The following IVD variants were observed in gnomAD, a reference collection of about 807,000 sequenced individuals.
IVD encodes isovaleryl-CoA dehydrogenase.
Under a neutral mutation model 51.3 loss-of-function variants are expected in IVD, and 31 were observed. The ratio of observed to expected loss-of-function variants is 0.60; its 90% CI spans 0.45 to 0.81. The LOEUF (loss-of-function observed/expected upper bound fraction) is 0.81, where lower values mean the gene tolerates loss of function less well. Among genes scored for constraint, IVD ranks in the 40% least tolerant of loss-of-function variants. The probability of loss-of-function intolerance (pLI) is 0.00; values close to 1 mark genes in which losing one functional copy is unlikely to be tolerated. For synonymous variants in IVD, 205 were observed against 219.4 expected, an observed-to-expected ratio of 0.93 and a Z score of 0.58; for missense variants, 475 against 552.0, an observed-to-expected ratio of 0.86 and a Z score of 1.40.
intron 1 of IVD, among the ~76,000 whole-genome samples, chr15:40,406,885 C>T (rs1429275647): frequency 2.1e-5 from 3 of 142,034 alleles, no homozygotes; most frequent in South Asian, 4.4e-4. Flanking sequence ...TTTTTTGAGA[C>T]GGAGTTTCAC....
intron 1 of IVD, chr15:40,406,202 A>T (rs775768990): frequency 8.9e-5 from 136 of 1,526,358 alleles, no homozygotes; most frequent in Non-Finnish European, 1.1e-4. Context: ...GTGGGACAGT[A>T]CTGCTGGAAG....
chr15:40,411,104 C>A (rs1490800591), intron 4 of IVD, among the ~76,000 whole-genome samples, 156 bp from the exon 5 acceptor site: 1 of 152,206 alleles, frequency 6.6e-6, no homozygotes, highest in Non-Finnish European at 1.5e-5. Flanking sequence ...GCCTTGTAGC[C>A]ATTGGGCTTA....
chr15:40,408,959 A>T (rs545918055), intron 3 of IVD, among the ~76,000 whole-genome samples: 1 of 152,124 alleles, frequency 6.6e-6, no homozygotes, highest in South Asian at 2.1e-4. Context: ...CAAAAAAAAA[A>T]GCCCAGCCTG....
chr15:40,435,409 TC>T, intron 8 of IVD: 6 of 1,129,498 alleles, frequency 5.3e-6, no homozygotes, highest in Non-Finnish European at 6.7e-6. Flanking sequence ...GGGCTCTCTT[TC>T]CCCTAGGGCA....
intron 7 of IVD, among the ~76,000 whole-genome samples, chr15:40,433,507 C>T (rs1005690631): frequency 2.0e-4 from 30 of 152,170 alleles, no homozygotes; most frequent in Admixed American, 2.0e-4. Flanking sequence ...GGATGCACCC[C>T]TGGTCTTCCA....
rs181729371 is a variant in IVD at position 40,420,618 on chromosome 15, G to C, written c.*2355G>C. 57 of 987,406 alleles carry C rather than the reference G, an allele frequency of 5.8e-5. No homozygotes were observed. Among genetic ancestry groups the C allele is most frequent in the Admixed American group, 2.5e-4 (4 of 16,258 alleles). The allele number at this position is 987,406 out of a possible 1,614,324, so 61.2% of individuals were successfully genotyped here. A position where few individuals can be genotyped will look rare whatever the true frequency, so the allele number is the denominator to read the frequency against. ...GAGAGGTCTCAGCCTCCCTTTCCCA[G>C]ATCTCCCAGTGAGTTTTAAAGGAAG... On this transcript the variant is annotated 3_prime_UTR_variant, in exon 12 of 12. Coordinates refer to ENST00000487418, the MANE Select transcript of IVD (RefSeq NM_002225.5).
At chr15:40,411,138 G>A (rs1220736747) in intron 4 of IVD, 122 bp from the exon 5 acceptor site, 26 of 967,044 alleles carry the variant, frequency 2.7e-5, no homozygotes, top group Admixed American at 2.5e-4. Flanking sequence ...GGACTTTACC[G>A]ACACCCTGGT....
At chr15:40,417,985 CACA>C in intron 11 of IVD, 142 bp from the exon 12 acceptor site, 5 of 1,153,542 alleles carry the variant, frequency 4.3e-6, no homozygotes, top group Non-Finnish European at 5.0e-6. Context: ...GTGTATTCCC[CACA>C]CCCCTCCCTC....
downstream of IVD, among the ~76,000 whole-genome samples, chr15:40,422,023 C>G (rs1010225957): frequency 1.3e-5 from 2 of 152,240 alleles, no homozygotes; most frequent in East Asian, 3.9e-4. Flanking sequence ...CTGACCCTCT[C>G]CCTCGAGGCA....
chr15:40,416,554 G>A (rs780054042), intron 11 of IVD, among the ~76,000 whole-genome samples, 192 bp downstream of exon 11: 12 of 151,636 alleles, frequency 7.9e-5, no homozygotes, highest in Admixed American at 6.6e-4. Flanking sequence ...ACCGCATGCC[G>A]GGCATGATGG....
chr15:40,407,507 A>G, intron 1 of IVD, 129 bp from the exon 2 acceptor site: 2 of 766,880 alleles, frequency 2.6e-6, no homozygotes, highest in Non-Finnish European at 4.8e-6. Flanking sequence ...GAGGAGGCAT[A>G]AACTACTGAG....
downstream of IVD, among the ~76,000 whole-genome samples, chr15:40,426,821 A>G (rs1892697762): frequency 6.6e-6 from 1 of 152,212 alleles, no homozygotes; most frequent in Non-Finnish European, 1.5e-5. Context: ...AAAAGTGTGC[A>G]TCTGTGCATC....
In IVD at chr15:40,410,710, GC is replaced by G; in HGVS notation, c.370del (p.Leu124SerfsTer30). On this transcript the variant is annotated frameshift_variant, in exon 4 of 12. Coordinates refer to ENST00000487418, the MANE Select transcript of IVD (RefSeq NM_002225.5). LOFTEE classifies it high-confidence loss of function. ...EISRASGAVG[L>X]SYGAHSNLCI... ...TATCCCGAGCTTCCGGAGCAGTGGG[GC>G]TCAGTTACGGTGCCCACTCCAACCT... is the stretch of plus-strand genomic sequence containing the variant. 2 of 1,614,224 alleles carry G rather than the reference GC, an allele frequency of 1.2e-6. No individual in the cohort carries two copies. Among genetic ancestry groups the G allele is most frequent in the Non-Finnish European group, 1.7e-6 (2 of 1,180,050 alleles).
chr15:40,422,501 T>G (rs1283371030), downstream of IVD, among the ~76,000 whole-genome samples: 1 of 149,098 alleles, frequency 6.7e-6, no homozygotes. Flanking sequence ...GCCAGGATGG[T>G]CTCGATCTCC....
In IVD at chr15:40,407,736, A is replaced by T; in HGVS notation, c.234+11A>T. 1 of 1,612,036 alleles carries T rather than the reference A, an allele frequency of 6.2e-7. No homozygotes were observed. Among genetic ancestry groups the T allele is most frequent in the South Asian group, 1.1e-5 (1 of 91,014 alleles). ...TTCAAGAACCTGCGAGTGAGTTGGG[A>T]GGTCCGGGCAGTCGGGGGCAGTCAG... On this transcript the variant is annotated intron_variant, in intron 2 of 11. Coordinates refer to ENST00000487418, the MANE Select transcript of IVD (RefSeq NM_002225.5).
chr15:40,412,842 CG>C, intron 6 of IVD, 148 bp from the exon 7 acceptor site: 5 of 677,246 alleles, frequency 7.4e-6, no homozygotes, highest in Non-Finnish European at 1.1e-5. Context: ...CGGAAGGTCC[CG>C]GGGGGAGCAT....
Position 40,410,747 on chromosome 15 carries a change from C to T in IVD, c.406C>T (p.Gln136Ter), listed in dbSNP as rs777712885. The change falls in exon 4 of 12, where the codon CAG (glutamine) becomes TAG (stop). Residue 136 changes from glutamine to a stop codon, truncating the protein, a stop_gained. Transcript: ENST00000487418. LOFTEE classifies it high-confidence loss of function. ...TGCCCACTCCAACCTCTGCATCAAC[C>T]AGCTTGTACGCAATGGGAATGAGGC... The part of the protein sequence containing the change: ...YGAHSNLCIN[Q>*]LVRNGNEAQK... 2 of 1,614,212 alleles carry T rather than the reference C, an allele frequency of 1.2e-6. No homozygotes were observed. Among genetic ancestry groups the T allele is most frequent in the Non-Finnish European group, 1.7e-6 (2 of 1,180,048 alleles).
chr15:40,417,123 G>A (rs1595793551), intron 11 of IVD, among the ~76,000 whole-genome samples: 1 of 150,388 alleles, frequency 6.6e-6, no homozygotes, highest in South Asian at 2.1e-4. Context: ...AGAATCTCTT[G>A]AACCCAGGAG....
chr15:40,427,993 C>G (rs553872745), downstream of IVD, among the ~76,000 whole-genome samples: 4 of 152,032 alleles, frequency 2.6e-5, no homozygotes, highest in Admixed American at 6.6e-5. Context: ...ACCAGCCTGG[C>G]CAACATGGTG....
Sources: allele counts gnomAD v4.1 joint callset (sites outside exome capture counted in the v4.1 genomes callset), GRCh38; gene constraint gnomAD v4.1.1; transcripts MANE v1.5; gene names NCBI Gene and HGNC (gene_info 2026-07-23, HGNC 2026-07-21).